The following MAP2K6 variants were observed in gnomAD, a reference collection of about 807,000 sequenced individuals.
The protein encoded by MAP2K6 is mitogen-activated protein kinase kinase 6.
A neutral mutation model predicts 53.7 loss-of-function variants in MAP2K6; 16 were observed. That is an observed-to-expected ratio of 0.30 (90% CI 0.20 to 0.45). The LOEUF is 0.45. Among genes scored for constraint, MAP2K6 ranks in the 20% least tolerant of loss-of-function variants. MAP2K6 has a pLI of 1.00. For missense variants in MAP2K6, 204 were observed against 411.9 expected (o/e 0.50, Z 4.37); for synonymous variants, 132 against 143.1 (o/e 0.92, Z 0.55).
At chr17:69,512,642 G>A (rs555806272) in intron 2 of MAP2K6, among the ~76,000 whole-genome samples, 19 of 152,144 alleles carry the variant, frequency 1.2e-4, no homozygotes, top group Non-Finnish European at 2.6e-4. Context: ...CGGCCTGAGT[G>A]TTCTTAAATT....
At chr17:69,459,602 C>A (rs1452907986) in intron 1 of MAP2K6, among the ~76,000 whole-genome samples, 7 of 149,098 alleles carry the variant, frequency 4.7e-5, no homozygotes, top group Non-Finnish European at 1.0e-4. Flanking sequence ...GTCCCAGCTA[C>A]TCGGGAGGCT....
intron 1 of MAP2K6, among the ~76,000 whole-genome samples, chr17:69,447,962 G>A (rs781755672): frequency 5.3e-5 from 8 of 152,194 alleles, no homozygotes; most frequent in Non-Finnish European, 8.8e-5. Context: ...GTTTCAACCC[G>A]AAATTGAGAG....
intron 1 of MAP2K6, among the ~76,000 whole-genome samples, chr17:69,451,507 T>G (rs1313782366): frequency 6.6e-6 from 1 of 152,198 alleles, no homozygotes; most frequent in African/African-American, 2.4e-5. Context: ...GAAAGACAGC[T>G]CTCTGTTTTT....
chr17:69,544,206 T>A lies in MAP2K6; in HGVS notation c.*2453T>A, dbSNP rs926575106. 1 of 152,200 alleles carries A rather than the reference T, an allele frequency of 6.6e-6. No individual in the cohort carries two copies. Among genetic ancestry groups the A allele is most frequent in the Non-Finnish European group, 1.5e-5 (1 of 68,028 alleles). The allele number at this position is 152,200 out of a possible 1,614,324, so 9.4% of individuals were successfully genotyped here. On this transcript the variant is annotated 3_prime_UTR_variant, in exon 12 of 12. Transcript: ENST00000590474. ...TTCCCTGTCCTCATCAGTGGAAATC[T>A]CTTTGTCACTCTGAGAGAAGGCATG...
In MAP2K6 at chr17:69,517,511, G is replaced by C; in HGVS notation, c.144G>C (p.Val48=). The change falls in exon 4 of 12, where the codon GTG becomes GTC. Residue 48 remains valine (V), a synonymous_variant. Coordinates refer to ENST00000590474, the MANE Select transcript of MAP2K6 (RefSeq NM_002758.4). Reference sequence around the variant, plus strand: ...TTTCTCTCTTGCAGAACTTTGAGGTGAAGGCAGATGACCTGGAGCCTATAA... The same window carrying C: ...TTTCTCTCTTGCAGAACTTTGAGGTCAAGGCAGATGACCTGGAGCCTATAA... ...CISIGNQNFE[V]KADDLEPIME... 6.2e-7 allele frequency: 1 copy of C among 1,602,832 alleles called. No homozygotes were observed. Among genetic ancestry groups the C allele is most frequent in the Non-Finnish European group, 8.5e-7 (1 of 1,173,980 alleles).
intron 1 of MAP2K6, among the ~76,000 whole-genome samples, chr17:69,499,224 T>G (rs1408631343): frequency 2.0e-5 from 3 of 152,186 alleles, no homozygotes; most frequent in African/African-American, 7.2e-5. Flanking sequence ...AGAGGGAGAA[T>G]GGAGCACGGA....
At chr17:69,428,858 G>GTTTTTTTTTTTTTTTTTTTTTTTTTTT (rs944503966) in intron 1 of MAP2K6, among the ~76,000 whole-genome samples, 1 of 77,618 alleles carries the variant, frequency 1.3e-5, no homozygotes. Context: ...TTCTGTTTTT[G>GTTTTTTTTTTTTTTTTTTTTTTTTTTT]TTTTTGTTTT....
chr17:69,504,998 T>C (rs1398852787), intron 1 of MAP2K6, among the ~76,000 whole-genome samples: 1 of 152,016 alleles, frequency 6.6e-6, no homozygotes, highest in Non-Finnish European at 1.5e-5. Flanking sequence ...CTTCCATTGC[T>C]AACTTTGTAG....
At chr17:69,456,103 C>T (rs142576699) in intron 1 of MAP2K6, among the ~76,000 whole-genome samples, 6 of 152,206 alleles carry the variant, frequency 3.9e-5, no homozygotes, top group South Asian at 4.1e-4. Context: ...TCAGTAGATC[C>T]GCCCGCATCG....
chr17:69,422,631 T>C (rs1243816997), intron 1 of MAP2K6, among the ~76,000 whole-genome samples: 1 of 152,238 alleles, frequency 6.6e-6, no homozygotes, highest in African/African-American at 2.4e-5. Flanking sequence ...CCCAAGGCTG[T>C]TGTCATCATC....
intron 1 of MAP2K6, among the ~76,000 whole-genome samples, chr17:69,498,628 G>A (rs1207766072): frequency 9.3e-6 from 1 of 107,586 alleles, no homozygotes; most frequent in African/African-American, 3.3e-5. Flanking sequence ...ACGCCTGGAA[G>A]CCACACACAC....
At position 69,416,684 on chromosome 17, in the gene MAP2K6, C is replaced by T. The variant is rs571012930; in HGVS notation, c.16+1684C>T. Among the ~76,000 whole-genome samples, 93 of 151,990 alleles carry T rather than the reference C, an allele frequency of 6.1e-4. 1 individual carries two copies. Among genetic ancestry groups the T allele is most frequent in the Middle Eastern group, 3.4e-3 (1 of 294 alleles). Reference sequence around the variant, plus strand: ...AATATTTAAAATGAAGTTTTTCCTTCGGGTTGGTGAAAACAAGAATGTAAG... The same window carrying T: ...AATATTTAAAATGAAGTTTTTCCTTTGGGTTGGTGAAAACAAGAATGTAAG... On this transcript the variant is annotated intron_variant, in intron 1 of 11. Transcript: ENST00000590474.
chr17:69,475,362 G>A (rs1908115537), intron 1 of MAP2K6, among the ~76,000 whole-genome samples: 1 of 151,922 alleles, frequency 6.6e-6, no homozygotes, highest in Non-Finnish European at 1.5e-5. Flanking sequence ...TAGAAACGGG[G>A]TTTCACCGTG....
chr17:69,517,535 A>C lies in MAP2K6; in HGVS notation c.168A>C (p.Ile56=). 1.9e-6 allele frequency: 3 copies of C among 1,611,018 alleles called. No homozygotes were observed. The highest frequency in any genetic ancestry group is 2.5e-6 in the Non-Finnish European group (3 of 1,178,294). The change falls in exon 4 of 12, where the codon ATA becomes ATC. Residue 56 remains isoleucine (I), a synonymous_variant. Transcript: ENST00000590474. ...FEVKADDLEP[I]MELGRGAYGV... is the part of the protein sequence containing the mutation. ...TGAAGGCAGATGACCTGGAGCCTAT[A>C]ATGGAACTGGGACGAGGTGCGTACG...
intron 1 of MAP2K6, among the ~76,000 whole-genome samples, chr17:69,458,400 C>T (rs1007805880): frequency 1.3e-5 from 2 of 152,212 alleles, no homozygotes; most frequent in African/African-American, 4.8e-5. Flanking sequence ...CCTCTACCTA[C>T]TGAATCAGAA....
chr17:69,449,859 C>T (rs1303385816), intron 1 of MAP2K6, among the ~76,000 whole-genome samples: 5 of 151,464 alleles, frequency 3.3e-5, no homozygotes, highest in East Asian at 2.0e-4. Context: ...GTGATCCGCC[C>T]GCCTCGGCTT....
Position 69,519,402 on chromosome 17 carries a change from T to C in MAP2K6, c.336T>C (p.Thr112=), listed in dbSNP as rs1250233163. Residue 112 remains threonine (T), a synonymous_variant, in exon 5 of 12, where the codon ACT becomes ACC. Transcript: ENST00000590474. ...ISMRTVDCPF[T]VTFYGALFRE... ...TGAGGACGGTGGACTGTCCATTCAC[T>C]GTCACCTTTTATGGCGCACTGTTTC... The C allele has an allele frequency of 2.8e-5, 45 of 1,614,096 alleles. No homozygotes were observed. In the Admixed American group the frequency reaches 7.3e-4, roughly 26 times the overall value.
intron 1 of MAP2K6, among the ~76,000 whole-genome samples, chr17:69,427,358 A>G (rs1906306411): frequency 6.6e-6 from 1 of 152,218 alleles, no homozygotes; most frequent in Non-Finnish European, 1.5e-5. Flanking sequence ...GGAGTTCATA[A>G]TTTATTTTCT....
At chr17:69,537,530 C>G (rs1475626250) in intron 11 of MAP2K6, among the ~76,000 whole-genome samples, 1 of 152,144 alleles carries the variant, frequency 6.6e-6, no homozygotes, top group Non-Finnish European at 1.5e-5. Context: ...GGTGAGGTGG[C>G]TTAGATATGA....
Sources: allele counts gnomAD v4.1 joint callset (sites outside exome capture counted in the v4.1 genomes callset), GRCh38; gene constraint gnomAD v4.1.1; transcripts MANE v1.5; gene names NCBI Gene and HGNC (gene_info 2026-07-23, HGNC 2026-07-21).